Variants in RSF1 observed in about 807,000 individuals in gnomAD.
RSF1 encodes HBV pX-associated protein 8.
A neutral mutation model predicts 145.2 loss-of-function variants in RSF1; 13 were observed. That is an observed-to-expected ratio of 0.09 (90% CI 0.06 to 0.14). The LOEUF is 0.14. Among genes scored for constraint, RSF1 ranks in the 10% least tolerant of loss-of-function variants. RSF1 has a pLI of 1.00. For synonymous variants in RSF1, 577 were observed against 592.6 expected, an observed-to-expected ratio of 0.97 and a Z score of 0.38; for missense variants, 1,517 against 1,718.2, an observed-to-expected ratio of 0.88 and a Z score of 2.07.
chr11:77,865,967 G>A, the RSF1 span, among the ~76,000 whole-genome samples: 1 of 152,158 alleles, frequency 6.6e-6, no homozygotes, highest in Non-Finnish European at 1.5e-5. Flanking sequence ...ATTCAGACAA[G>A]CAATAATGAG....
intron 5 of RSF1, among the ~76,000 whole-genome samples, chr11:77,706,140 C>T (rs568481469): frequency 4.0e-5 from 6 of 150,048 alleles, no homozygotes; most frequent in Admixed American, 1.3e-4. Context: ...ACTCGAGAGG[C>T]TGAGGCAGGA....
chr11:77,820,324 G>A (rs1242693160), intron 1 of RSF1, among the ~76,000 whole-genome samples: 1 of 152,194 alleles, frequency 6.6e-6, no homozygotes, highest in African/African-American at 2.4e-5. Flanking sequence ...CCGGCCGAGT[G>A]GCCCTAGGGG....
At chr11:77,719,857 C>T (rs371679120) in intron 5 of RSF1, among the ~76,000 whole-genome samples, 3 of 152,144 alleles carry the variant, frequency 2.0e-5, no homozygotes, top group African/African-American at 2.4e-5. Flanking sequence ...AAAAAAATTA[C>T]GCTAGATGAA....
At chr11:77,790,781 A>C (rs1948509113) in intron 1 of RSF1, among the ~76,000 whole-genome samples, 4 of 152,194 alleles carry the variant, frequency 2.6e-5, no homozygotes. Flanking sequence ...AATGACCTCC[A>C]GTGACTCCAG....
At chr11:77,750,699 C>G (rs1948052734) in intron 2 of RSF1, among the ~76,000 whole-genome samples, 1 of 152,188 alleles carries the variant, frequency 6.6e-6, no homozygotes, top group South Asian at 2.1e-4. Context: ...CAACTTGTTT[C>G]TGACCAAGAA....
At chr11:77,721,283 C>G (rs138702326) in intron 5 of RSF1, among the ~76,000 whole-genome samples, 188 of 152,312 alleles carry the variant, frequency 1.2e-3, no homozygotes, top group African/African-American at 4.3e-3. Context: ...TCCCACCTGG[C>G]CCTGATCCCC....
At chr11:77,825,843 C>T (rs925096018), upstream of RSF1, among the ~76,000 whole-genome samples, 3 of 152,098 alleles carry the variant, frequency 2.0e-5, no homozygotes, top group Admixed American at 2.0e-4. Flanking sequence ...AGGCAAGTGC[C>T]ACTACATCCG....
chr11:77,826,790 A>G, the RSF1 span, among the ~76,000 whole-genome samples: 5 of 152,202 alleles, frequency 3.3e-5, no homozygotes, highest in Non-Finnish European at 7.4e-5. Context: ...GAAAATCTGA[A>G]TGAACCCATA....
At chr11:77,794,187 C>A (rs1390834831) in intron 1 of RSF1, among the ~76,000 whole-genome samples, 1 of 152,112 alleles carries the variant, frequency 6.6e-6, no homozygotes, top group Non-Finnish European at 1.5e-5. Context: ...CCAAATGGAC[C>A]TTACAGATAC....
chr11:77,857,508 T>C, the RSF1 span, among the ~76,000 whole-genome samples: 2 of 152,182 alleles, frequency 1.3e-5, no homozygotes, highest in Non-Finnish European at 2.9e-5. Context: ...ATATAATTGG[T>C]TGAGGCTAGA....
chr11:77,722,026 A>C (rs538778458), intron 5 of RSF1, among the ~76,000 whole-genome samples: 7 of 152,078 alleles, frequency 4.6e-5, no homozygotes, highest in Non-Finnish European at 1.0e-4. Context: ...AAAAATTAAA[A>C]AACATTAGCC....
At chr11:77,857,723 GTC>G in the RSF1 span, among the ~76,000 whole-genome samples, 1 of 147,720 alleles carries the variant, frequency 6.8e-6, no homozygotes, top group Non-Finnish European at 1.5e-5. Context: ...TTGAGATGGA[GTC>G]TCGCTCTGTC....
intron 1 of RSF1, among the ~76,000 whole-genome samples, chr11:77,779,384 A>ATTTT (rs535878105): frequency 7.0e-6 from 1 of 142,468 alleles, no homozygotes; most frequent in Non-Finnish European, 1.5e-5. Flanking sequence ...TCTAAAAAAA[A>ATTTT]TTTTTTTTTT....
chr11:77,785,574 G>C lies in RSF1; in HGVS notation c.188-20885C>G, dbSNP rs969277010. Among the ~76,000 whole-genome samples, 4 of 149,186 alleles carry C rather than the reference G, an allele frequency of 2.7e-5. No individual in the cohort carries two copies. The East Asian group carries it at 8.1e-4, about 30-fold the overall frequency. On this transcript the variant is annotated intron_variant, in intron 1 of 15. Transcript: ENST00000308488. ...CATTGCACTCCAGCCCAGGCAACAA[G>C]AGCGAAACTCCATCTCAAAAAAAAA...
chr11:77,816,444 T>G (rs1372374385), intron 1 of RSF1, among the ~76,000 whole-genome samples: 1 of 152,196 alleles, frequency 6.6e-6, no homozygotes, highest in African/African-American at 2.4e-5. Flanking sequence ...AACTTTGATA[T>G]TTTCACTTCG....
intron 1 of RSF1, among the ~76,000 whole-genome samples, chr11:77,785,507 T>C (rs898470702): frequency 3.3e-5 from 5 of 150,756 alleles, no homozygotes; most frequent in Non-Finnish European, 4.4e-5. Flanking sequence ...GGAGAATTGC[T>C]TGAACCTGGG....
intron 1 of RSF1, among the ~76,000 whole-genome samples, chr11:77,785,260 A>T (rs994862131): frequency 2.6e-5 from 4 of 152,144 alleles, no homozygotes; most frequent in Non-Finnish European, 5.9e-5. Context: ...AAAGCCCCTT[A>T]TTACTCCATC....
rs1429616169 is a variant in RSF1, at chr11:77,660,224, T to C, written c.*6693A>G. ...AAATACTGGCACCAGCCACAACATA[T>C]TTTGGTTGTCACTTACAAGGAATAT... On this transcript the variant is annotated 3_prime_UTR_variant, in exon 16 of 16. Coordinates refer to ENST00000308488, the MANE Select transcript of RSF1 (RefSeq NM_016578.4). The C allele has an allele frequency of 6.6e-6, 1 of 152,120 alleles. No individual in the cohort carries two copies. Among genetic ancestry groups the C allele is most frequent in the Non-Finnish European group, 1.5e-5 (1 of 68,006 alleles). 9.4% of individuals were successfully genotyped at this position (152,120 alleles called of 1,614,324 possible). A position where few individuals can be genotyped will look rare whatever the true frequency, so the allele number is the denominator to read the frequency against.
chr11:77,718,987 G>A (rs189075111), intron 5 of RSF1, among the ~76,000 whole-genome samples: 337 of 152,190 alleles, frequency 2.2e-3, no homozygotes, highest in African/African-American at 7.3e-3. Context: ...AGTGGCTCAC[G>A]CCTATAATCT....
Sources: gnomAD v4.1 joint callset for allele counts (sites outside exome capture counted in the v4.1 genomes callset) on GRCh38, gnomAD v4.1.1 for gene constraint, MANE v1.5 for transcripts, NCBI Gene and HGNC (gene_info 2026-07-23, HGNC 2026-07-21) for gene names.